LIMA1: variants seen among roughly 807,000 people sequenced by gnomAD.
LIMA1 encodes LIM domain and actin-binding protein 1.
Under a neutral mutation model 62.6 loss-of-function variants are expected in LIMA1, and 52 were observed. The observed-to-expected ratio is 0.83, with a 90% CI of 0.67 to 1.05. The LOEUF is 1.05. Ranked by LOEUF, LIMA1 falls within the 50% of genes least tolerant of loss-of-function variation. The pLI is 0.00. For synonymous variants in LIMA1, 302 were observed against 317.8 expected (o/e 0.95, Z 0.53); for missense variants, 780 against 902.2 (o/e 0.86, Z 1.74).
rs1174796362 is a variant in LIMA1 at position 50,186,461 on chromosome 12, C to T, written c.1141-4424G>A. ...ACCACCATGCTAACTGGTGGTTTGACTCCTGCATACCAAGGTGGTTTGTTC... is the reference window on the plus strand; with the variant it reads ...ACCACCATGCTAACTGGTGGTTTGATTCCTGCATACCAAGGTGGTTTGTTC... On this transcript the variant is annotated intron_variant, in intron 9 of 10. Coordinates refer to ENST00000341247, the MANE Select transcript of LIMA1 (RefSeq NM_016357.5). 2.6e-5 allele frequency: 4 copies of T among 152,632 alleles called. No individual in the cohort carries two copies. The East Asian group carries it at 5.8e-4, about 22-fold the overall frequency. 9.5% of individuals were successfully genotyped at this position (152,632 alleles called of 1,614,324 possible). A position where few individuals can be genotyped will look rare whatever the true frequency, so the allele number is the denominator to read the frequency against.
chr12:50,231,309 A>G (rs1184313548), intron 3 of LIMA1, among the ~76,000 whole-genome samples: 5 of 152,230 alleles, frequency 3.3e-5, no homozygotes, highest in African/African-American at 1.2e-4. Flanking sequence ...TACCATTTAA[A>G]TGCACAGATG....
At chr12:50,185,472 T>A (rs1365690585) in intron 9 of LIMA1, 1 of 456,130 alleles carries the variant, frequency 2.2e-6, no homozygotes. Context: ...ACAGGAACCT[T>A]CAATGAATAC....
chr12:50,203,246 T>G (rs1272779699), intron 6 of LIMA1, among the ~76,000 whole-genome samples: 1 of 151,646 alleles, frequency 6.6e-6, no homozygotes, highest in Non-Finnish European at 1.5e-5. Flanking sequence ...AACTCCTGAC[T>G]TCAAATGACC....
chr12:50,252,955 TG>T (rs1284378566), intron 1 of LIMA1, among the ~76,000 whole-genome samples: 1 of 152,182 alleles, frequency 6.6e-6, no homozygotes, highest in Non-Finnish European at 1.5e-5. Context: ...AAGAAGATCC[TG>T]AAACTAAGTG....
chr12:50,278,730 T>C (rs1052500653), intron 1 of LIMA1, among the ~76,000 whole-genome samples: 1 of 152,154 alleles, frequency 6.6e-6, no homozygotes, highest in Non-Finnish European at 1.5e-5. Flanking sequence ...TTAAATAGAT[T>C]ACAATGGAGA....
chr12:50,268,677 G>A (rs1223922180), intron 1 of LIMA1, among the ~76,000 whole-genome samples: 3 of 152,010 alleles, frequency 2.0e-5, no homozygotes, highest in Non-Finnish European at 4.4e-5. Context: ...GGGCTCAAGC[G>A]ATCCTCCCAC....
intron 1 of LIMA1, among the ~76,000 whole-genome samples, chr12:50,279,709 C>T (rs1022715060): frequency 1.3e-5 from 2 of 152,058 alleles, no homozygotes; most frequent in East Asian, 1.9e-4. Flanking sequence ...CAGTTATTGC[C>T]AAGGGGTAAG....
At chr12:50,194,984 G>T (rs890941745) in intron 8 of LIMA1, among the ~76,000 whole-genome samples, 2 of 152,036 alleles carry the variant, frequency 1.3e-5, no homozygotes, top group Non-Finnish European at 2.9e-5. Flanking sequence ...GGAGGGGGAG[G>T]TTACAGTGAG....
rs1940915908 is a variant in LIMA1, at chr12:50,195,832, G to A, written c.1028C>T (p.Ser343Phe). The A allele has an allele frequency of 1.3e-6, 2 of 1,595,204 alleles. No homozygotes were observed. Among genetic ancestry groups the A allele is most frequent in the African/African-American group, 1.4e-5 (1 of 72,756 alleles). ...CAGATCTAAGAAAGAATGCTTACGG[G>A]AGTCATCTTCGGCAGGGGTGGAACG... is the stretch of plus-strand genomic sequence containing the variant. ...AVRSTPAEDD[S>F]RDSQVKSEVQ... The change falls in exon 8 of 11, where the codon TCC becomes TTC. Residue 343 changes from serine to phenylalanine, a missense_variant and splice_region_variant. Ser to Phe is a radical substitution (Grantham distance 155, BLOSUM62 -2). Transcript: ENST00000341247.
In LIMA1 at chr12:50,222,487, T is replaced by C. The variant is rs775257603; in HGVS notation, c.166-2A>G. On this transcript the variant is annotated splice_acceptor_variant, in intron 3 of 10. Coordinates refer to ENST00000341247, the MANE Select transcript of LIMA1 (RefSeq NM_016357.5). LOFTEE classifies it high-confidence loss of function. ...GTGCTGGGAGAGATTTTCGGTGTTC[T>C]AGAAGAACAAGAAGTAGATGCCAGT... 1.2e-6 allele frequency: 2 copies of C among 1,614,002 alleles called. No individual in the cohort carries two copies. The highest frequency in any genetic ancestry group is 1.1e-5 in the South Asian group (1 of 91,070).
intron 8 of LIMA1, 122 bp downstream of exon 8, chr12:50,195,708 A>G: frequency 1.0e-6 from 1 of 953,978 alleles, no homozygotes; most frequent in Non-Finnish European, 1.5e-6. Context: ...ATTAGCCCTT[A>G]AATTCAAGTA....
At chr12:50,270,256 A>G (rs1477146298) in intron 1 of LIMA1, among the ~76,000 whole-genome samples, 1 of 133,246 alleles carries the variant, frequency 7.5e-6, no homozygotes, top group Non-Finnish European at 1.6e-5. Context: ...AAAAAAAAAA[A>G]AAAGGGATAA....
At chr12:50,193,569 TGATATATATATAC>T (rs1349374184) in intron 8 of LIMA1, among the ~76,000 whole-genome samples, 6 of 109,078 alleles carry the variant, frequency 5.5e-5, no homozygotes, top group Non-Finnish European at 9.4e-5. Flanking sequence ...TATGTATATA[TGATATATATATAC>T]ATGTATATAT....
At chr12:50,236,582 A>C (rs888828384) in intron 2 of LIMA1, among the ~76,000 whole-genome samples, 2 of 152,070 alleles carry the variant, frequency 1.3e-5, no homozygotes, top group Non-Finnish European at 1.5e-5. Flanking sequence ...TACAGGCGTG[A>C]GCCACCGCAC....
intron 4 of LIMA1, among the ~76,000 whole-genome samples, chr12:50,221,361 G>A (rs1456441146): frequency 1.3e-5 from 2 of 152,150 alleles, no homozygotes; most frequent in Non-Finnish European, 2.9e-5. Flanking sequence ...TCATTTTCTA[G>A]TTAAGTAATT....
intron 1 of LIMA1, among the ~76,000 whole-genome samples, chr12:50,254,081 C>T (rs1263411733): frequency 6.6e-6 from 1 of 151,324 alleles, no homozygotes; most frequent in Non-Finnish European, 1.5e-5. Context: ...CCCACACAGT[C>T]TCTCTCAGAT....
chr12:50,207,718 G>A (rs1941178565), intron 4 of LIMA1, among the ~76,000 whole-genome samples: 1 of 151,880 alleles, frequency 6.6e-6, no homozygotes, highest in Non-Finnish European at 1.5e-5. Flanking sequence ...GTGAGACCCT[G>A]TCTCTACTAA....
chr12:50,229,545 G>C (rs960901021), intron 3 of LIMA1, among the ~76,000 whole-genome samples: 5 of 152,176 alleles, frequency 3.3e-5, no homozygotes, highest in African/African-American at 4.8e-5. Context: ...GGCCTGTTGT[G>C]GGGTGGGGAG....
At chr12:50,283,274 T>C (rs1394484029) in intron 1 of LIMA1, 146 bp downstream of exon 1, 2 of 151,712 alleles carry the variant, frequency 1.3e-5, no homozygotes, top group Admixed American at 1.3e-4. Flanking sequence ...GAACGGAGGA[T>C]CAGCGTCCCT....
Sources: gnomAD v4.1 joint callset for allele counts (sites outside exome capture counted in the v4.1 genomes callset) on GRCh38, gnomAD v4.1.1 for gene constraint, MANE v1.5 for transcripts, NCBI Gene and HGNC (gene_info 2026-07-23, HGNC 2026-07-21) for gene names.